Variants in NRF1 observed in about 807,000 individuals in gnomAD.
NRF1 encodes nuclear respiratory factor 1.
Under a neutral mutation model 58.5 loss-of-function variants are expected in NRF1, and 5 were observed. The ratio of observed to expected loss-of-function variants is 0.09; its 90% CI spans 0.04 to 0.18. The LOEUF (loss-of-function observed/expected upper bound fraction) is 0.18, where lower values mean the gene tolerates loss of function less well. Ranked by LOEUF, NRF1 falls within the 10% of genes least tolerant of loss-of-function variation. The probability of loss-of-function intolerance (pLI) is 1.00; values close to 1 mark genes in which losing one functional copy is unlikely to be tolerated. For synonymous variants in NRF1, 224 were observed against 246.7 expected (o/e 0.91, Z 0.86); for missense variants, 288 against 657.7 (o/e 0.44, Z 6.15).
intron 1 of NRF1, among the ~76,000 whole-genome samples, chr7:129,652,370 ATAGTGT>A (rs1384228665): frequency 1.3e-5 from 2 of 152,212 alleles, no homozygotes; most frequent in African/African-American, 2.4e-5. Context: ...ACAAGTAGAG[ATAGTGT>A]TAGTGTACAA....
At chr7:129,640,280 G>A (rs1323588478) in intron 1 of NRF1, among the ~76,000 whole-genome samples, 1 of 152,134 alleles carries the variant, frequency 6.6e-6, no homozygotes, top group Non-Finnish European at 1.5e-5. Flanking sequence ...ACTTTAGGAG[G>A]CCAAGGTAGG....
At chr7:129,748,815 T>C (rs1804044303) in intron 10 of NRF1, among the ~76,000 whole-genome samples, 1 of 152,226 alleles carries the variant, frequency 6.6e-6, no homozygotes, top group South Asian at 2.1e-4. Flanking sequence ...ACTAAATAAA[T>C]TCCATTTCCA....
chr7:129,726,354 G>A (rs1045641640), intron 9 of NRF1, among the ~76,000 whole-genome samples: 49 of 152,052 alleles, frequency 3.2e-4, no homozygotes, highest in African/African-American at 1.0e-3. Flanking sequence ...TGAAATAATA[G>A]TATGTCTTAC....
At chr7:129,633,273 T>C (rs1431759959) in intron 1 of NRF1, among the ~76,000 whole-genome samples, 33 of 152,250 alleles carry the variant, frequency 2.2e-4, no homozygotes, top group Non-Finnish European at 4.4e-5. Context: ...AATACTGTTT[T>C]GGTTTTAACC....
At chr7:129,619,433 T>TACACACACACAC (rs754223551) in intron 1 of NRF1, among the ~76,000 whole-genome samples, 7 of 65,854 alleles carry the variant, frequency 1.1e-4, no homozygotes, top group African/African-American at 5.8e-4. Context: ...TATATATATA[T>TACACACACACAC]ACACACACAC....
chr7:129,623,780 C>T (rs915419362), intron 1 of NRF1, among the ~76,000 whole-genome samples: 6 of 152,194 alleles, frequency 3.9e-5, no homozygotes, highest in Middle Eastern at 3.4e-3. Flanking sequence ...GTAGAGGTGA[C>T]GATGACAAAG....
At chr7:129,744,194 C>T in intron 10 of NRF1, 1 of 1,541,690 alleles carries the variant, frequency 6.5e-7, no homozygotes, top group East Asian at 2.5e-5. Context: ...GCAGATCGTG[C>T]AGGTCGCAAG....
chr7:129,619,557 T>G (rs1800745808), intron 1 of NRF1, among the ~76,000 whole-genome samples: 2 of 142,374 alleles, frequency 1.4e-5, no homozygotes, highest in South Asian at 4.5e-4. Flanking sequence ...CAGAATAGAT[T>G]TCTAGAGCAT....
At chr7:129,733,465 CA>C (rs11378403) in intron 10 of NRF1, among the ~76,000 whole-genome samples, 27 of 143,534 alleles carry the variant, frequency 1.9e-4, no homozygotes, top group African/African-American at 3.1e-4. Flanking sequence ...GACTCCGTCT[CA>C]AAAAAAAAAA....
chr7:129,634,040 AAAG>A (rs746919443), intron 1 of NRF1, among the ~76,000 whole-genome samples: 4,420 of 89,510 alleles, frequency 0.049, 111 homozygotes, highest in African/African-American at 0.11. Flanking sequence ...AAAAAAAAAA[AAAG>A]ATATATATAT....
chr7:129,745,506 A>ACCCCCCCCCCCC (rs35406699), intron 10 of NRF1, among the ~76,000 whole-genome samples: 13 of 112,580 alleles, frequency 1.2e-4, no homozygotes, highest in Non-Finnish European at 1.4e-4. Context: ...ATCCCCCTCA[A>ACCCCCCCCCCCC]CCCCCCCCCC....
chr7:129,619,923 T>A (rs758019100), intron 1 of NRF1, among the ~76,000 whole-genome samples: 22 of 152,052 alleles, frequency 1.4e-4, no homozygotes, highest in Non-Finnish European at 2.1e-4. Context: ...ATATTTTGGC[T>A]GTGTGACCCT....
chr7:129,721,586 A>G (rs1298482769), intron 9 of NRF1, among the ~76,000 whole-genome samples: 1 of 150,846 alleles, frequency 6.6e-6, no homozygotes, highest in Non-Finnish European at 1.5e-5. Flanking sequence ...GGTTCACACC[A>G]TTCTCCTGCC....
intron 10 of NRF1, among the ~76,000 whole-genome samples, chr7:129,729,935 G>A (rs1803539349): frequency 6.6e-6 from 1 of 152,150 alleles, no homozygotes. Context: ...CTTCCTGGAA[G>A]TTCCAATGAT....
rs143843847 is a variant in NRF1, at chr7:129,741,626, A to G, written c.1349-13392A>G. On this transcript the variant is annotated intron_variant, in intron 10 of 10. Coordinates refer to ENST00000393232, the MANE Select transcript of NRF1 (RefSeq NM_005011.5). This position sits in a 1 kb window ranked among gnomAD's most constrained non-coding sequence, Gnocchi z 4.0. ...AATCACTGTTCACACAGGAATCACA[A>G]TATTAGAACAGGAAAAATTCTTATA... is the stretch of plus-strand genomic sequence containing the variant. Among the ~76,000 whole-genome samples, 238 of 152,342 alleles carry G rather than the reference A, an allele frequency of 1.6e-3. No homozygotes were observed. Among genetic ancestry groups the G allele is most frequent in the African/African-American group, 5.5e-3 (227 of 41,580 alleles).
chr7:129,742,380 G>C (rs1803869137), intron 10 of NRF1, among the ~76,000 whole-genome samples: 1 of 151,880 alleles, frequency 6.6e-6, no homozygotes, highest in South Asian at 2.1e-4. Flanking sequence ...ACTGCTGTGA[G>C]TGAGACTACA....
At chr7:129,701,741 A>G (rs932318735) in intron 5 of NRF1, among the ~76,000 whole-genome samples, 4 of 152,200 alleles carry the variant, frequency 2.6e-5, no homozygotes, top group Non-Finnish European at 5.9e-5. Flanking sequence ...TAAAATGTTA[A>G]ATCCATATAC....
At position 129,618,752 on chromosome 7, in the gene NRF1, C is replaced by T. The variant is rs113744544; in HGVS notation, c.-7+6928C>T. 3.9e-5 allele frequency among the ~76,000 whole-genome samples: 6 copies of T among 152,124 alleles called. 1 individual carries two copies. Among genetic ancestry groups the T allele is most frequent in the African/African-American group, 1.4e-4 (6 of 41,484 alleles). ...TATCCTTTATCCAAAATGCTTAGGA[C>T]CAGAAATGTTTTGGAGTTTTTTTTG... On this transcript the variant is annotated intron_variant, in intron 1 of 10. Coordinates refer to ENST00000393232, the MANE Select transcript of NRF1 (RefSeq NM_005011.5).
intron 9 of NRF1, among the ~76,000 whole-genome samples, chr7:129,721,728 G>A (rs558828310): frequency 2.4e-4 from 37 of 152,110 alleles, no homozygotes; most frequent in Non-Finnish European, 4.4e-4. Context: ...TGATCCACCC[G>A]CCTCAGCCTC....
Sources: allele counts gnomAD v4.1 joint callset (sites outside exome capture counted in the v4.1 genomes callset), GRCh38; gene constraint gnomAD v4.1.1; non-coding constraint Gnocchi (gnomAD v3.1); transcripts MANE v1.5; gene names NCBI Gene and HGNC (gene_info 2026-07-23, HGNC 2026-07-21).